The following CSNK1A1 variants were observed in gnomAD, a reference collection of about 807,000 sequenced individuals.
CSNK1A1 encodes casein kinase 1 alpha 1.
CSNK1A1 carries 7 observed loss-of-function variants against 46.1 expected under a neutral mutation model. That is an observed-to-expected ratio of 0.15 (90% CI 0.09 to 0.29). The LOEUF (loss-of-function observed/expected upper bound fraction) is 0.29, where lower values mean the gene tolerates loss of function less well. Ranked by LOEUF, CSNK1A1 falls within the 10% of genes least tolerant of loss-of-function variation. The pLI, the probability that CSNK1A1 is intolerant of heterozygous loss-of-function variation, is 1.00. For synonymous variants in CSNK1A1, 137 were observed against 141.5 expected, an observed-to-expected ratio of 0.97 and a Z score of 0.23; for missense variants, 96 against 417.1, an observed-to-expected ratio of 0.23 and a Z score of 6.71.
intron 2 of CSNK1A1, among the ~76,000 whole-genome samples, chr5:149,530,308 A>G (rs1003462488): frequency 2.6e-5 from 4 of 152,214 alleles, no homozygotes; most frequent in African/African-American, 9.6e-5. Flanking sequence ...AAGAAATGCA[A>G]AAACACTCCC....
intron 8 of CSNK1A1, among the ~76,000 whole-genome samples, chr5:149,506,574 T>C (rs1304864348): frequency 1.3e-5 from 2 of 152,166 alleles, no homozygotes; most frequent in East Asian, 1.9e-4. Flanking sequence ...AACTAAGAGT[T>C]TGAGCCACAT....
At chr5:149,518,690 C>T (rs1464603003) in intron 4 of CSNK1A1, among the ~76,000 whole-genome samples, 1 of 151,904 alleles carries the variant, frequency 6.6e-6, no homozygotes, top group African/African-American at 2.4e-5. Flanking sequence ...TTTTTAATAT[C>T]TCAAGGAGAA....
At chr5:149,549,624 T>C (rs769765582) in intron 2 of CSNK1A1, 3 of 663,258 alleles carry the variant, frequency 4.5e-6, no homozygotes, top group Non-Finnish European at 8.4e-6. Context: ...GAGGAAGACA[T>C]GTTGGAACAA....
At chr5:149,546,968 G>GTTT (rs925962319) in intron 2 of CSNK1A1, among the ~76,000 whole-genome samples, 1 of 149,000 alleles carries the variant, frequency 6.7e-6, no homozygotes, top group Admixed American at 6.7e-5. Context: ...AGTGGAAACA[G>GTTT]TTTTTTTTTT....
intron 4 of CSNK1A1, among the ~76,000 whole-genome samples, chr5:149,518,063 A>C (rs1353061403): frequency 6.6e-6 from 1 of 152,144 alleles, no homozygotes; most frequent in Non-Finnish European, 1.5e-5. Context: ...AGAACATTTG[A>C]ATTCTGGAAA....
Position 149,496,699 on chromosome 5 carries a change from A to T in CSNK1A1, c.*154T>A. 1 of 959,146 alleles carries T rather than the reference A, an allele frequency of 1.0e-6. No individual in the cohort carries two copies. The highest frequency in any genetic ancestry group is 1.5e-6 in the Non-Finnish European group (1 of 670,504). 59.4% of individuals were successfully genotyped at this position (959,146 alleles called of 1,614,324 possible). ...ATACAGCATCACCAATGCTGCCCAG[A>T]GTCAGTTTATACTGAAATTAAGTTC... On this transcript the variant is annotated 3_prime_UTR_variant, in exon 10 of 10. Coordinates refer to ENST00000377843, the MANE Select transcript of CSNK1A1 (RefSeq NM_001892.6).
chr5:149,496,817 T>A lies in CSNK1A1; in HGVS notation c.*36A>T, dbSNP rs750104211. On this transcript the variant is annotated 3_prime_UTR_variant, in exon 10 of 10. Transcript: ENST00000377843. ...TGGGGAGAAACAAATGCTGCTCCGA[T>A]CATCTGCTCTGCTTCTTCTGTTCCT... 1 of 1,557,234 alleles carries A rather than the reference T, an allele frequency of 6.4e-7. No homozygotes were observed. Among genetic ancestry groups the A allele is most frequent in the South Asian group, 1.2e-5 (1 of 83,062 alleles).
intron 4 of CSNK1A1, among the ~76,000 whole-genome samples, chr5:149,514,780 G>A (rs1045981778): frequency 1.6e-4 from 24 of 152,300 alleles, no homozygotes; most frequent in Admixed American, 3.3e-4. Flanking sequence ...TAAAGACACT[G>A]ACAGTTGAGC....
chr5:149,544,827 G>A (rs1762419583), intron 2 of CSNK1A1, among the ~76,000 whole-genome samples: 1 of 146,616 alleles, frequency 6.8e-6, no homozygotes, highest in African/African-American at 2.6e-5. Context: ...TAGTAGTTAA[G>A]CTTTTGGGGA....
chr5:149,503,531 A>C, intron 9 of CSNK1A1: 1 of 985,150 alleles, frequency 1.0e-6, no homozygotes, highest in South Asian at 4.7e-5. Flanking sequence ...TGTTTATGTG[A>C]TAATTTGTAT....
intron 4 of CSNK1A1, among the ~76,000 whole-genome samples, chr5:149,513,748 A>G (rs1322690718): frequency 1.3e-5 from 2 of 152,080 alleles, no homozygotes; most frequent in Non-Finnish European, 2.9e-5. Context: ...AAAAAATACA[A>G]AAATAGCCGG....
chr5:149,505,368 C>A (rs1760989495), intron 9 of CSNK1A1, 79 bp downstream of exon 9: 1 of 1,539,092 alleles, frequency 6.5e-7, no homozygotes, highest in Non-Finnish European at 8.8e-7. Flanking sequence ...CCTCCTTGAT[C>A]TAACACTGTT....
At chr5:149,523,140 A>AGG (rs1761624441) in intron 3 of CSNK1A1, among the ~76,000 whole-genome samples, 1 of 150,476 alleles carries the variant, frequency 6.6e-6, no homozygotes, top group Admixed American at 6.7e-5. Flanking sequence ...TCCTGGGTTC[A>AGG]TGTGATTCTC....
Position 149,494,382 on chromosome 5 carries a change from C to CAGAG in CSNK1A1, c.*2467_*2470dup, listed in dbSNP as rs918821381. 1 of 152,116 alleles carries CAGAG rather than the reference C, an allele frequency of 6.6e-6. No individual in the cohort carries two copies. Among genetic ancestry groups the CAGAG allele is most frequent in the Non-Finnish European group, 1.5e-5 (1 of 68,014 alleles). 9.4% of individuals were successfully genotyped at this position (152,116 alleles called of 1,614,324 possible). A position where few individuals can be genotyped will look rare whatever the true frequency, so the allele number is the denominator to read the frequency against. ...TATTTCTTGTTATACCTTCCCAAAA[C>CAGAG]AGAGACATTCAACAGTAGTTAGAAT... On this transcript the variant is annotated 3_prime_UTR_variant, in exon 10 of 10. Transcript: ENST00000377843.
intron 6 of CSNK1A1, 115 bp from the exon 7 acceptor site, chr5:149,510,068 C>T (rs1038294222): frequency 4.5e-6 from 3 of 671,984 alleles, no homozygotes; most frequent in African/African-American, 3.7e-5. Flanking sequence ...GAAATTTTAA[C>T]CCAGAATTTA....
intron 5 of CSNK1A1, among the ~76,000 whole-genome samples, chr5:149,512,585 T>C (rs932357866): frequency 2.6e-5 from 4 of 152,198 alleles, no homozygotes; most frequent in Non-Finnish European, 5.9e-5. Context: ...ACTGTTACTT[T>C]TTTTACTTTA....
chr5:149,548,746 G>A (rs983493367), intron 2 of CSNK1A1, among the ~76,000 whole-genome samples: 1 of 152,156 alleles, frequency 6.6e-6, no homozygotes, highest in Non-Finnish European at 1.5e-5. Context: ...CTACTCAGGA[G>A]GCTGAGGCAC....
At chr5:149,505,748 A>C (rs1318430812) in intron 8 of CSNK1A1, among the ~76,000 whole-genome samples, 153 bp from the exon 9 acceptor site, 1 of 152,212 alleles carries the variant, frequency 6.6e-6, no homozygotes, top group Non-Finnish European at 1.5e-5. Context: ...TATAGATGAA[A>C]AAGGCAGCAT....
chr5:149,500,821 A>C (rs1015136900), intron 9 of CSNK1A1, among the ~76,000 whole-genome samples: 7 of 151,858 alleles, frequency 4.6e-5, no homozygotes, highest in Non-Finnish European at 8.8e-5. Context: ...AAAAAAAAAA[A>C]ACCTGTAATA....
Sources: allele counts gnomAD v4.1 joint callset (sites outside exome capture counted in the v4.1 genomes callset), GRCh38; gene constraint gnomAD v4.1.1; transcripts MANE v1.5; gene names NCBI Gene and HGNC (gene_info 2026-07-23, HGNC 2026-07-21).